The following PLPPR4 variants were observed in gnomAD, a reference collection of about 807,000 sequenced individuals.
PLPPR4 encodes phospholipid phosphatase related 4.
PLPPR4 carries 24 observed loss-of-function variants against 56.6 expected under a neutral mutation model. The observed-to-expected ratio is 0.42, with a 90% CI of 0.31 to 0.60. The LOEUF is 0.60. Among genes scored for constraint, PLPPR4 ranks in the 20% least tolerant of loss-of-function variants. The probability of loss-of-function intolerance (pLI) is 0.13; values close to 1 mark genes in which losing one functional copy is unlikely to be tolerated. For missense variants in PLPPR4, 654 were observed against 885.8 expected (o/e 0.74, Z 3.32); for synonymous variants, 326 against 328.1 (o/e 0.99, Z 0.07).
At chr1:99,270,652 T>C (rs548315689) in intron 1 of PLPPR4, among the ~76,000 whole-genome samples, 1 of 152,368 alleles carries the variant, frequency 6.6e-6, no homozygotes, top group African/African-American at 2.4e-5. Context: ...GTACAAATTA[T>C]ATAACTCATT....
At chr1:99,265,465 T>G (rs1357323450) in intron 1 of PLPPR4, among the ~76,000 whole-genome samples, 1 of 152,154 alleles carries the variant, frequency 6.6e-6, no homozygotes. Context: ...CATAGGAGTG[T>G]TATAAAGATT....
In PLPPR4 at chr1:99,288,170, T is replaced by C. The variant is rs1659519728; in HGVS notation, c.264+20T>C. 3 of 1,610,374 alleles carry C rather than the reference T, an allele frequency of 1.9e-6. No homozygotes were observed. The highest frequency in any genetic ancestry group is 2.7e-5 in the African/African-American group (2 of 74,936). The stretch of plus-strand genomic sequence containing the variant: ...ATTACGGTAAGAATTACCCCCAAAA[T>C]TGTGTTTATCTGTCCTGGAAAACTA... On this transcript the variant is annotated intron_variant, in intron 2 of 6. Transcript: ENST00000370185.
At chr1:99,305,626 G>C in intron 6 of PLPPR4, 59 bp from the exon 7 acceptor site, 1 of 1,547,670 alleles carries the variant, frequency 6.5e-7, no homozygotes, top group Non-Finnish European at 8.7e-7. Context: ...GGTACTCTAA[G>C]GAAACCCTAG....
chr1:99,292,422 A>G (rs180952908), intron 2 of PLPPR4, among the ~76,000 whole-genome samples: 11 of 152,306 alleles, frequency 7.2e-5, no homozygotes, highest in Non-Finnish European at 4.4e-5. Context: ...CCTGAGAAAT[A>G]AAAGGGAAAA....
At chr1:99,296,316 T>C (rs1244909283) in intron 2 of PLPPR4, among the ~76,000 whole-genome samples, 1 of 152,218 alleles carries the variant, frequency 6.6e-6, no homozygotes, top group Non-Finnish European at 1.5e-5. Flanking sequence ...AAGTGATCAA[T>C]ACCTACATAT....
intron 1 of PLPPR4, among the ~76,000 whole-genome samples, chr1:99,270,422 A>G (rs1659026897): frequency 6.6e-6 from 1 of 152,250 alleles, no homozygotes; most frequent in African/African-American, 2.4e-5. Flanking sequence ...GTCAGTAACT[A>G]AACAGTTTGT....
At chr1:99,263,304 G>A (rs1658808044), upstream of PLPPR4, among the ~76,000 whole-genome samples, 1 of 152,108 alleles carries the variant, frequency 6.6e-6, no homozygotes, top group Non-Finnish European at 1.5e-5. Flanking sequence ...CAAATTGGGA[G>A]GCGGAAACAA....
intron 1 of PLPPR4, among the ~76,000 whole-genome samples, chr1:99,283,060 A>T (rs1355878960): frequency 6.6e-6 from 1 of 150,916 alleles, no homozygotes; most frequent in African/African-American, 2.4e-5. Flanking sequence ...TATTCATGGG[A>T]ACAGATATTT....
intron 2 of PLPPR4, among the ~76,000 whole-genome samples, chr1:99,291,765 G>T (rs999048166): frequency 2.6e-5 from 4 of 152,086 alleles, no homozygotes; most frequent in Non-Finnish European, 5.9e-5. Context: ...ACATACTGGG[G>T]CCTACCTGAG....
chr1:99,305,288 A>G (rs2100812560), intron 6 of PLPPR4, among the ~76,000 whole-genome samples: 1 of 152,316 alleles, frequency 6.6e-6, no homozygotes, highest in South Asian at 2.1e-4. Context: ...TTGAAAATGG[A>G]AGGTAAAATA....
Position 99,306,437 on chromosome 1 carries a change from G to A in PLPPR4, c.1575G>A (p.Gln525=), listed in dbSNP as rs764313595. Residue 525 remains glutamine (Q), a synonymous_variant, in exon 7 of 7, where the codon CAG becomes CAA. Transcript: ENST00000370185. This position sits in a 1 kb window ranked among gnomAD's most constrained non-coding sequence, Gnocchi z 4.0. The stretch of plus-strand genomic sequence containing the variant: ...TGGCCTGTAACAGAAGCAACAGCCA[G>A]CCCCGAATCATGCAAGTCATAGCCA... ...KTVACNRSNS[Q]PRIMQVIAMS... The A allele has an allele frequency of 6.8e-6, 11 of 1,614,046 alleles. No individual in the cohort carries two copies. Among genetic ancestry groups the A allele is most frequent in the African/African-American group, 1.3e-5 (1 of 74,918 alleles).
rs577187319 is a variant in PLPPR4 at position 99,306,267 on chromosome 1, C to T, written c.1405C>T (p.Pro469Ser). 2 of 1,614,146 alleles carry T rather than the reference C, an allele frequency of 1.2e-6. No individual in the cohort carries two copies. The highest frequency in any genetic ancestry group is 1.7e-5 in the Admixed American group (1 of 60,022). The change falls in exon 7 of 7, where the codon CCT becomes TCT. Residue 469 changes from proline to serine, a missense_variant. Physicochemically the swap from Pro to Ser is moderately conservative, Grantham distance 74 (BLOSUM62 -1). Transcript: ENST00000370185. The surrounding 1 kb of genome is among the most constrained non-coding windows in gnomAD (Gnocchi z 4.0). ...TGTCCCCGGATGTAACAACAGCATG[C>T]CTGGAGGGCCAAGAGTGTCCATTCA... ...GAVPGCNNSM[P>S]GGPRVSIQSR...
intron 3 of PLPPR4, chr1:99,298,714 CAT>C (rs1659807735): frequency 3.3e-5 from 18 of 549,442 alleles, no homozygotes; most frequent in South Asian, 2.4e-4. Flanking sequence ...TCATTCCACA[CAT>C]GTCGTCGCTC....
intron 1 of PLPPR4, among the ~76,000 whole-genome samples, chr1:99,287,315 A>C (rs997856120): frequency 3.3e-5 from 5 of 152,016 alleles, no homozygotes; most frequent in African/African-American, 1.2e-4. Context: ...TGTTGGTTCC[A>C]TGTCTTTGCT....
chr1:99,279,371 C>T (rs1659268300), intron 1 of PLPPR4, among the ~76,000 whole-genome samples: 1 of 152,086 alleles, frequency 6.6e-6, no homozygotes, highest in Non-Finnish European at 1.5e-5. Flanking sequence ...AAATCATTCA[C>T]TAGGGAAGAC....
intron 1 of PLPPR4, among the ~76,000 whole-genome samples, chr1:99,279,289 C>T (rs1231433576): frequency 6.6e-6 from 1 of 152,030 alleles, no homozygotes; most frequent in African/African-American, 2.4e-5. Context: ...AGAAAGTGAT[C>T]CGAAGGAAGC....
At chr1:99,298,415 G>T (rs900121005) in intron 3 of PLPPR4, among the ~76,000 whole-genome samples, 1 of 152,052 alleles carries the variant, frequency 6.6e-6, no homozygotes, top group Non-Finnish European at 1.5e-5. Flanking sequence ...AGGAGAAACA[G>T]AAAAAATAAT....
rs746658791 is a variant in PLPPR4 at position 99,306,126 on chromosome 1, G to A, written c.1264G>A (p.Gly422Arg). 1 of 1,614,114 alleles carries A rather than the reference G, an allele frequency of 6.2e-7. No individual in the cohort carries two copies. The highest frequency in any genetic ancestry group is 1.1e-5 in the South Asian group (1 of 91,076). ...LSLQVIEPEP[G>R]QSPPRSIEMR... Reference sequence around the variant, plus strand: ...CTTGCAAGTTATAGAGCCTGAGCCTGGGCAGTCACCACCCAGATCCATAGA... The same window carrying A: ...CTTGCAAGTTATAGAGCCTGAGCCTAGGCAGTCACCACCCAGATCCATAGA... Residue 422 changes from glycine (G) to arginine (R), a missense_variant, in exon 7 of 7, where the codon GGG becomes AGG. Coordinates refer to ENST00000370185, the MANE Select transcript of PLPPR4 (RefSeq NM_014839.5). The surrounding 1 kb of genome is among the most constrained non-coding windows in gnomAD (Gnocchi z 4.0).
intron 2 of PLPPR4, 138 bp from the exon 3 acceptor site, chr1:99,296,600 C>T (rs918773633): frequency 6.1e-6 from 4 of 650,598 alleles, no homozygotes; most frequent in Non-Finnish European, 9.4e-6. Context: ...ATTGCTGTGC[C>T]TCTACAGCTT....
Sources: allele counts gnomAD v4.1 joint callset (sites outside exome capture counted in the v4.1 genomes callset), GRCh38; gene constraint gnomAD v4.1.1; non-coding constraint Gnocchi (gnomAD v3.1); transcripts MANE v1.5; gene names NCBI Gene and HGNC (gene_info 2026-07-23, HGNC 2026-07-21).